The following EVC2 variants were observed in gnomAD, a reference collection of about 807,000 sequenced individuals.
The protein encoded by EVC2 is EvC ciliary complex subunit 2.
Under a neutral mutation model 149.3 loss-of-function variants are expected in EVC2, and 148 were observed. That is an observed-to-expected ratio of 0.99 (90% CI 0.87 to 1.14). The LOEUF is 1.14. Ranked by LOEUF, EVC2 falls within the 50% of genes most tolerant of loss-of-function variation. EVC2 has a pLI of 0.00. For synonymous variants in EVC2, 776 were observed against 649.9 expected (o/e 1.19, Z -2.95); for missense variants, 1,854 against 1,627.3 (o/e 1.14, Z -2.40).
chr4:5,623,080 A>C, intron 13 of EVC2, 89 bp from the exon 14 acceptor site: 1 of 1,200,544 alleles, frequency 8.3e-7, no homozygotes, highest in Non-Finnish European at 1.2e-6. Flanking sequence ...GAAGCACAGA[A>C]TGTTTATAGC....
At chr4:5,546,575 G>A (rs551878953) in intron 21 of EVC2, among the ~76,000 whole-genome samples, 1 of 152,092 alleles carries the variant, frequency 6.6e-6, no homozygotes, top group Admixed American at 6.5e-5. Flanking sequence ...TGGGGTGGGG[G>A]GATGGGGCAG....
At chr4:5,632,158 A>C in intron 10 of EVC2, 126 bp from the exon 11 acceptor site, 2 of 1,272,448 alleles carry the variant, frequency 1.6e-6, no homozygotes, top group African/African-American at 3.0e-5. Flanking sequence ...AGATGCATGC[A>C]CATATGCATT....
intron 13 of EVC2, 107 bp from the exon 14 acceptor site, chr4:5,623,098 C>A (rs1715843970): frequency 2.0e-6 from 2 of 1,018,372 alleles, no homozygotes; most frequent in East Asian, 2.6e-5. Context: ...AGCCTTTTCC[C>A]CAACAATCTC....
intron 10 of EVC2, among the ~76,000 whole-genome samples, chr4:5,632,821 A>C (rs1334460684): frequency 6.6e-6 from 1 of 152,150 alleles, no homozygotes; most frequent in Admixed American, 6.5e-5. Flanking sequence ...CTGAGATATT[A>C]TCTCAGAGGG....
chr4:5,660,051 G>A (rs1228401732), intron 9 of EVC2, among the ~76,000 whole-genome samples: 12 of 152,116 alleles, frequency 7.9e-5, no homozygotes, highest in Non-Finnish European at 1.0e-4. Context: ...CAATAACTTC[G>A]TCTCCCATTG....
At chr4:5,632,703 G>C (rs1716638870) in intron 10 of EVC2, among the ~76,000 whole-genome samples, 1 of 152,136 alleles carries the variant, frequency 6.6e-6, no homozygotes. Context: ...TGGCTGCTTG[G>C]ATGCCTGCAT....
chr4:5,662,963 G>T, intron 9 of EVC2, 144 bp downstream of exon 9: 3 of 1,083,070 alleles, frequency 2.8e-6, no homozygotes, highest in African/African-American at 1.6e-5. Context: ...CAAACATTCA[G>T]TGCATAGCAG....
At chr4:5,646,935 G>A (rs1577203065) in intron 9 of EVC2, among the ~76,000 whole-genome samples, 1 of 152,184 alleles carries the variant, frequency 6.6e-6, no homozygotes, top group Non-Finnish European at 1.5e-5. Flanking sequence ...GTACCTCCCT[G>A]AGGAAAATGA....
intron 16 of EVC2, among the ~76,000 whole-genome samples, chr4:5,604,469 T>C (rs1298350044): frequency 6.6e-6 from 1 of 152,130 alleles, no homozygotes; most frequent in Non-Finnish European, 1.5e-5. Flanking sequence ...AAACATCACA[T>C]GTTCATACTC....
chr4:5,700,662 A>C (rs1163266325), intron 1 of EVC2, among the ~76,000 whole-genome samples: 1 of 152,108 alleles, frequency 6.6e-6, no homozygotes, highest in Non-Finnish European at 1.5e-5. Context: ...TGTCCTCACC[A>C]AAGTCCCCAG....
At position 5,546,947 on chromosome 4, in the gene EVC2, T is replaced by G. The variant is rs1721633530; in HGVS notation, c.3420-3735A>C. 2.0e-5 allele frequency among the ~76,000 whole-genome samples: 3 copies of G among 152,228 alleles called. No homozygotes were observed. The South Asian group carries it at 6.2e-4, about 32-fold the overall frequency. The stretch of plus-strand genomic sequence containing the variant: ...CCTGGTGCAGCCACAGCTGCCCAAG[T>G]TGTGACTGTGGAACCAGGCCTTCTA... On this transcript the variant is annotated intron_variant and NMD_transcript_variant, in intron 21 of 22. Coordinates refer to the EVC2 transcript ENST00000475313.
In EVC2 at chr4:5,584,833, C is replaced by T. The variant is rs763331726; in HGVS notation, c.2847G>A (p.Leu949=). 2 of 1,614,206 alleles carry T rather than the reference C, an allele frequency of 1.2e-6. No individual in the cohort carries two copies. The highest frequency in any genetic ancestry group is 8.5e-7 in the Non-Finnish European group (1 of 1,180,044). The change falls in exon 17 of 22, where the codon CTG becomes CTA. Residue 949 remains leucine (L), a synonymous_variant. Transcript: ENST00000344408. ...CCTCCATCCGCTGCACTCTCTCCCG[C>T]AGCAATTCACCTCGAACCTGGGAGG... is the stretch of plus-strand genomic sequence containing the variant. ...DLVEKVRGEL[L]RERVQRMEAQ... is the part of the protein sequence containing the mutation.
intron 21 of EVC2, among the ~76,000 whole-genome samples, chr4:5,548,183 A>G (rs910665344): frequency 6.6e-6 from 1 of 152,136 alleles, no homozygotes; most frequent in Admixed American, 6.5e-5. Context: ...GTGTGAGCCA[A>G]GCACAGCCTG....
intron 19 of EVC2, among the ~76,000 whole-genome samples, chr4:5,574,073 C>T (rs780659210): frequency 7.9e-5 from 12 of 152,230 alleles, no homozygotes; most frequent in Non-Finnish European, 1.6e-4. Context: ...TCTCTGGAGT[C>T]GTGTGGCTCG....
In EVC2 at chr4:5,708,308, GC is replaced by G. The variant is rs1400121444; in HGVS notation, c.205del (p.Ala69ArgfsTer13). 3 of 1,462,806 alleles carry G rather than the reference GC, an allele frequency of 2.1e-6. No homozygotes were observed. Among genetic ancestry groups the G allele is most frequent in the East Asian group, 2.9e-5 (1 of 34,942 alleles). The allele number at this position is 1,462,806 out of a possible 1,614,324, so 90.6% of individuals were successfully genotyped here. A position where few individuals can be genotyped will look rare whatever the true frequency, so the allele number is the denominator to read the frequency against. On this transcript the variant is annotated frameshift_variant, in exon 1 of 22. Coordinates refer to ENST00000344408, the MANE Select transcript of EVC2 (RefSeq NM_147127.5). LOFTEE classifies it high-confidence loss of function. Reference protein sequence around the residue: ...GLRIPPGRSGAGPESSTQDLP... With the variant: ...GLRIPPGRSGXGPESSTQDLP... Reference sequence around the variant, plus strand: ...TACCTGCGTGCTGCTCTCGGGCCCCGCCCCGCTCCGCCCCGGAGGGATCCTC... The same window carrying G: ...TACCTGCGTGCTGCTCTCGGGCCCCGCCCGCTCCGCCCCGGAGGGATCCTC...
chr4:5,627,803 T>C (rs955947303), intron 12 of EVC2, among the ~76,000 whole-genome samples: 6 of 152,124 alleles, frequency 3.9e-5, no homozygotes, highest in African/African-American at 7.2e-5. Flanking sequence ...TTATACTTAG[T>C]GTCAAAGGTG....
intron 16 of EVC2, among the ~76,000 whole-genome samples, chr4:5,596,698 A>G (rs906196705): frequency 2.0e-5 from 3 of 152,220 alleles, no homozygotes; most frequent in Admixed American, 1.3e-4. Flanking sequence ...AAGCTAGCAG[A>G]AGGCAAGAAG....
In EVC2 at chr4:5,708,365, G is replaced by C. The variant is rs1304657923; in HGVS notation, c.149C>G (p.Pro50Arg). 8.1e-6 allele frequency: 12 copies of C among 1,488,314 alleles called. No homozygotes were observed. Among genetic ancestry groups the C allele is most frequent in the Non-Finnish European group, 1.1e-5 (12 of 1,125,912 alleles). The allele number at this position is 1,488,314 out of a possible 1,614,324, so 92.2% of individuals were successfully genotyped here. A position where few individuals can be genotyped will look rare whatever the true frequency, so the allele number is the denominator to read the frequency against. The change falls in exon 1 of 22, where the codon CCC (proline) becomes CGC (arginine). Residue 50 changes from proline to arginine, a missense_variant. By Grantham distance (103) the Pro-to-Arg change is moderately radical. Transcript: ENST00000344408. ...RPLGAQPPRDPQVAPRSGPGL... is the reference protein window; with the variant it reads ...RPLGAQPPRDRQVAPRSGPGL... The stretch of plus-strand genomic sequence containing the variant: ...GGGCCCAGACCTAGGAGCCACCTGG[G>C]GATCCCGGGGTGGCTGCGCGCCGAG...
intron 16 of EVC2, among the ~76,000 whole-genome samples, chr4:5,595,239 G>C (rs548688845): frequency 4.4e-4 from 67 of 152,140 alleles, no homozygotes; most frequent in African/African-American, 1.5e-3. Context: ...TACTCCTCGA[G>C]AAGAGCAACT....
Sources: gnomAD v4.1 joint callset for allele counts (sites outside exome capture counted in the v4.1 genomes callset) on GRCh38, gnomAD v4.1.1 for gene constraint, MANE v1.5 for transcripts, NCBI Gene and HGNC (gene_info 2026-07-23, HGNC 2026-07-21) for gene names.